BEND7: variants seen among roughly 807,000 people sequenced by gnomAD.
BEND7 encodes BEN domain-containing protein 7.
In BEND7, 28 loss-of-function variants were observed where a neutral mutation model predicts 50.9. The observed-to-expected ratio is 0.55, with a 90% CI of 0.41 to 0.75. The LOEUF (loss-of-function observed/expected upper bound fraction) is 0.75, where lower values mean the gene tolerates loss of function less well. Among genes scored for constraint, BEND7 ranks in the 30% least tolerant of loss-of-function variants. BEND7 has a pLI of 0.00. For missense variants in BEND7, 477 were observed against 491.3 expected (o/e 0.97, Z 0.28); for synonymous variants, 170 against 183.9 (o/e 0.92, Z 0.61).
intron 8 of BEND7, chr10:13,444,447 A>G (rs1466431826): frequency 6.6e-6 from 1 of 152,202 alleles, no homozygotes; most frequent in Non-Finnish European, 1.5e-5. Context: ...CCCTTCCCCC[A>G]AATACACAAC....
At chr10:13,449,899 C>T (rs950226082) in intron 7 of BEND7, among the ~76,000 whole-genome samples, 1 of 152,212 alleles carries the variant, frequency 6.6e-6, no homozygotes, top group Admixed American at 6.5e-5. Flanking sequence ...CATCTATCTG[C>T]AACAACAAGC....
intron 8 of BEND7, chr10:13,442,513 T>G (rs1835482674): frequency 6.6e-6 from 1 of 152,334 alleles, no homozygotes; most frequent in South Asian, 2.1e-4. Flanking sequence ...TGGCAAGATA[T>G]CTTTTTAAAA....
At chr10:13,491,793 C>T (rs561115948) in intron 5 of BEND7, among the ~76,000 whole-genome samples, 4 of 152,140 alleles carry the variant, frequency 2.6e-5, no homozygotes, top group Non-Finnish European at 5.9e-5. Context: ...TGGCCAACCT[C>T]CAATCCTATA....
At position 13,492,706 on chromosome 10, in the gene BEND7, A is replaced by G. The variant is rs2076750120; in HGVS notation, c.742T>C (p.Ser248Pro). Reference sequence around the variant, plus strand: ...GCTGCCTGGAGAGCAGATAGCTCAGAGGCCACCACCGACTTTTTCTCCATC... The same window carrying G: ...GCTGCCTGGAGAGCAGATAGCTCAGGGGCCACCACCGACTTTTTCTCCATC... ...SEMEKKSVVASELSALQAAEH... is the reference protein window; with the variant it reads ...SEMEKKSVVAPELSALQAAEH... Residue 248 changes from serine to proline, a missense_variant, in exon 5 of 9, where the codon TCT becomes CCT. By Grantham distance (74) the Ser-to-Pro change is moderately conservative (BLOSUM62 -1). Coordinates refer to ENST00000466271, the MANE Select transcript of BEND7 (RefSeq NM_001369863.1). 6.2e-7 allele frequency: 1 copy of G among 1,614,188 alleles called. No homozygotes were observed.
At chr10:13,498,079 T>C (rs911494728) in intron 3 of BEND7, among the ~76,000 whole-genome samples, 3 of 145,132 alleles carry the variant, frequency 2.1e-5, no homozygotes, top group Non-Finnish European at 3.0e-5. Context: ...TTCTTTTTTT[T>C]TTTTTTTTTT....
rs2077318197 is a variant in BEND7 at position 13,499,938 on chromosome 10, A to C, written c.288T>G (p.Pro96=). 1.9e-6 allele frequency: 3 copies of C among 1,614,086 alleles called. No homozygotes were observed. Among genetic ancestry groups the C allele is most frequent in the Non-Finnish European group, 2.5e-6 (3 of 1,180,038 alleles). ...CCTCAGCAGAGGAGTTCAAACGTGG[A>C]GGCCAGACTAAATCCAGGTCCTGGG... The part of the protein sequence containing the change: ...EEPQDLDLVW[P]PRLNSSAEAP... Residue 96 remains proline, a synonymous_variant, in exon 3 of 9, where the codon CCT becomes CCG. Transcript: ENST00000466271.
Position 13,481,196 on chromosome 10 carries a change from A to G in BEND7, c.838-72T>C, listed in dbSNP as rs1588863306. The G allele has an allele frequency of 2.9e-6, 4 of 1,375,756 alleles. No individual in the cohort carries two copies. In the East Asian group the frequency reaches 9.4e-5, roughly 32 times the overall value. The allele number at this position is 1,375,756 out of a possible 1,614,324, so 85.2% of individuals were successfully genotyped here. On this transcript the variant is annotated intron_variant, in intron 5 of 8. Transcript: ENST00000466271. Reference sequence around the variant, plus strand: ...TCTGACTTTGGGTACATGAGCAACAAAAAAACATCACTAGCTACTGAAATG... The same window carrying G: ...TCTGACTTTGGGTACATGAGCAACAGAAAAACATCACTAGCTACTGAAATG...
At chr10:13,525,760 T>C (rs1016476158) in intron 2 of BEND7, among the ~76,000 whole-genome samples, 3 of 152,204 alleles carry the variant, frequency 2.0e-5, no homozygotes, top group South Asian at 2.1e-4. Context: ...TTCCTGGAAA[T>C]TGAATTTCTG....
chr10:13,500,796 G>C (rs1322673485), intron 2 of BEND7: 2 of 985,254 alleles, frequency 2.0e-6, no homozygotes. Flanking sequence ...TGATGACCGA[G>C]GGGTCCCTGC....
At position 13,493,594 on chromosome 10, in the gene BEND7, G is replaced by A. The variant is rs1442919308; in HGVS notation, c.572-718C>T. ...AGCAATATCATTCTGTACAAGTCAA[G>A]CAAATCAGTGAAATCTAGAAACAGT... is the stretch of plus-strand genomic sequence containing the variant. On this transcript the variant is annotated intron_variant, in intron 4 of 8. Transcript: ENST00000466271. Among the ~76,000 whole-genome samples the A allele has an allele frequency of 2.0e-5, 3 of 152,144 alleles. No individual in the cohort carries two copies. In the East Asian group the frequency reaches 5.8e-4, roughly 29 times the overall value.
rs1370136752 is a variant in BEND7, at chr10:13,461,731, T to TC, written c.1064-9074_1064-9073insG. ...CTGGGAGACAGAGCGAGACTCCATC[T>TC]TAAAAAAAAAAAAATGAAATGCTTG... On this transcript the variant is annotated intron_variant, in intron 6 of 8. Transcript: ENST00000466271. Among the ~76,000 whole-genome samples, 3 of 99,978 alleles carry TC rather than the reference T, an allele frequency of 3.0e-5. No homozygotes were observed. In the East Asian group the frequency reaches 1.3e-3, roughly 44 times the overall value. 65.6% of individuals were successfully genotyped at this position (99,978 alleles called of 152,430 possible). A position where few individuals can be genotyped will look rare whatever the true frequency, so the allele number is the denominator to read the frequency against.
At chr10:13,441,075 A>G, downstream of BEND7, 4 of 984,484 alleles carry the variant, frequency 4.1e-6, no homozygotes, top group Non-Finnish European at 3.6e-6. Flanking sequence ...CACAGGCAAG[A>G]TCCGCACGCA....
chr10:13,485,450 G>A (rs1208692137), intron 5 of BEND7, among the ~76,000 whole-genome samples: 1 of 152,182 alleles, frequency 6.6e-6, no homozygotes, highest in African/African-American at 2.4e-5. Context: ...TAGGTCATAT[G>A]CTGGTGGGGA....
At chr10:13,480,850 A>G in intron 6 of BEND7, 49 bp downstream of exon 6, 1 of 1,607,990 alleles carries the variant, frequency 6.2e-7, no homozygotes, top group Non-Finnish European at 8.5e-7. Flanking sequence ...TTACGGAATG[A>G]AGGGAAAGCT....
At chr10:13,529,328 G>A (rs1304803670), upstream of BEND7, among the ~76,000 whole-genome samples, 1 of 151,534 alleles carries the variant, frequency 6.6e-6, no homozygotes, top group Non-Finnish European at 1.5e-5. Context: ...ACCTCGCCGT[G>A]GGGGCGCGGA....
Position 13,528,960 on chromosome 10 carries a change from G to T in BEND7, c.-427C>A. On this transcript the variant is annotated 5_prime_UTR_variant, in exon 1 of 9. Coordinates refer to ENST00000466271, the MANE Select transcript of BEND7 (RefSeq NM_001369863.1). The stretch of plus-strand genomic sequence containing the variant: ...CCTGGGCTCAGCCTGCGGTCGCGGC[G>T]GCGGCGGCGGCGGCCCCGAAGACGC... 6.9e-6 allele frequency: 1 copy of T among 145,076 alleles called. No individual in the cohort carries two copies. The highest frequency in any genetic ancestry group is 1.8e-4 in the South Asian group (1 of 5,478). The allele number at this position is 145,076 out of a possible 1,614,324, so 9.0% of individuals were successfully genotyped here.
chr10:13,441,898 G>C, intron 8 of BEND7, 148 bp from the exon 9 acceptor site: 1 of 756,838 alleles, frequency 1.3e-6, no homozygotes, highest in East Asian at 2.7e-5. Context: ...ACACATATAT[G>C]AGATGTAACT....
At chr10:13,481,875 G>A (rs1267851105) in intron 5 of BEND7, among the ~76,000 whole-genome samples, 1 of 152,234 alleles carries the variant, frequency 6.6e-6, no homozygotes, top group East Asian at 1.9e-4. Context: ...GACGTCCAAG[G>A]TGCCTTTCAA....
chr10:13,499,734 C>A lies in BEND7; in HGVS notation c.448+44G>T, dbSNP rs200695191. On this transcript the variant is annotated intron_variant, in intron 3 of 8. Transcript: ENST00000466271. ...CTGAATATTTAGAAATAGAACAGTA[C>A]AAACCCCCATGAGAGCCTTCTGAAT... The A allele has an allele frequency of 4.5e-6, 7 of 1,553,638 alleles. No homozygotes were observed. In the African/African-American group the frequency reaches 8.2e-5, roughly 18 times the overall value.
Sources: gnomAD v4.1 joint callset for allele counts (sites outside exome capture counted in the v4.1 genomes callset) on GRCh38, gnomAD v4.1.1 for gene constraint, MANE v1.5 for transcripts, NCBI Gene and HGNC (gene_info 2026-07-23, HGNC 2026-07-21) for gene names.